NEGR1: variants seen among roughly 807,000 people sequenced by gnomAD.
NEGR1 encodes the protein IgLON family member 4.
In NEGR1, 10 loss-of-function variants were observed where a neutral mutation model predicts 40.9. The observed-to-expected ratio is 0.24, with a 90% CI of 0.15 to 0.42. The LOEUF (loss-of-function observed/expected upper bound fraction) is 0.42, where lower values mean the gene tolerates loss of function less well. Among genes scored for constraint, NEGR1 ranks in the 10% least tolerant of loss-of-function variants. The pLI is 1.00. For synonymous variants in NEGR1, 185 were observed against 166.8 expected, an observed-to-expected ratio of 1.11 and a Z score of -0.84; for missense variants, 352 against 438.9, an observed-to-expected ratio of 0.80 and a Z score of 1.77.
chr1:71,405,225 C>T lies in NEGR1; in HGVS notation c.*2221G>A, dbSNP rs1456377485. On this transcript the variant is annotated 3_prime_UTR_variant, in exon 7 of 7. Transcript: ENST00000357731. ...TATTTGGTTCATCCATAGTTTATAC[C>T]TCAATTTACCTACAAACCTTACAAA... 1 of 152,142 alleles carries T rather than the reference C, an allele frequency of 6.6e-6. No individual in the cohort carries two copies. The highest frequency in any genetic ancestry group is 2.4e-5 in the African/African-American group (1 of 41,378). 9.4% of individuals were successfully genotyped at this position (152,142 alleles called of 1,614,324 possible). A position where few individuals can be genotyped will look rare whatever the true frequency, so the allele number is the denominator to read the frequency against.
At chr1:71,586,792 T>A (rs1224861765) in intron 6 of NEGR1, among the ~76,000 whole-genome samples, 1 of 152,172 alleles carries the variant, frequency 6.6e-6, no homozygotes, top group African/African-American at 2.4e-5. Flanking sequence ...CAAATTTGTA[T>A]ACTTTCATGA....
chr1:72,106,874 A>G (rs1055814785), intron 1 of NEGR1, among the ~76,000 whole-genome samples: 2 of 151,956 alleles, frequency 1.3e-5, no homozygotes, highest in Non-Finnish European at 2.9e-5. Context: ...ATAGATATAG[A>G]TACAGATATA....
chr1:72,165,047 C>T (rs908058208), intron 1 of NEGR1, among the ~76,000 whole-genome samples: 4 of 151,798 alleles, frequency 2.6e-5, no homozygotes, highest in African/African-American at 9.7e-5. Flanking sequence ...AGGTATGAGC[C>T]TTGACATAGT....
At chr1:72,161,118 A>G (rs1237069990) in intron 1 of NEGR1, among the ~76,000 whole-genome samples, 2 of 151,366 alleles carry the variant, frequency 1.3e-5, no homozygotes, top group African/African-American at 2.5e-5. Context: ...GCCAAAGAGA[A>G]CGCAGCTCTG....
At chr1:71,769,549 A>C (rs1656245193) in intron 3 of NEGR1, among the ~76,000 whole-genome samples, 1 of 152,134 alleles carries the variant, frequency 6.6e-6, no homozygotes, top group South Asian at 2.1e-4. Context: ...CATGATAGTG[A>C]GTGAGTTGTC....
At chr1:72,139,437 T>C (rs1307840541) in intron 1 of NEGR1, among the ~76,000 whole-genome samples, 2 of 152,024 alleles carry the variant, frequency 1.3e-5, no homozygotes, top group African/African-American at 2.4e-5. Flanking sequence ...TTGATCATTA[T>C]CAAGAAATAT....
intron 4 of NEGR1, among the ~76,000 whole-genome samples, chr1:71,689,864 TGTAA>T (rs1232345058): frequency 1.3e-5 from 2 of 151,606 alleles, no homozygotes; most frequent in African/African-American, 4.8e-5. Flanking sequence ...ATTAAATAAA[TGTAA>T]GTAAAATAAC....
At chr1:71,697,515 A>C (rs1282092671) in intron 4 of NEGR1, among the ~76,000 whole-genome samples, 2 of 151,806 alleles carry the variant, frequency 1.3e-5, no homozygotes, top group African/African-American at 2.4e-5. Context: ...ATGCTTATGG[A>C]AAAATTCTTT....
chr1:71,434,586 G>A (rs948074717), intron 6 of NEGR1, among the ~76,000 whole-genome samples: 2 of 152,132 alleles, frequency 1.3e-5, no homozygotes, highest in Non-Finnish European at 1.5e-5. Flanking sequence ...CATGTTTAGT[G>A]CAATATCATA....
At chr1:71,987,843 T>A (rs2100351485) in intron 1 of NEGR1, among the ~76,000 whole-genome samples, 1 of 152,348 alleles carries the variant, frequency 6.6e-6, no homozygotes, top group East Asian at 1.9e-4. Context: ...TTTAGTTCCT[T>A]TTCTACACAA....
At chr1:71,950,227 A>T (rs1646057202) in intron 1 of NEGR1, among the ~76,000 whole-genome samples, 1 of 151,992 alleles carries the variant, frequency 6.6e-6, no homozygotes, top group Non-Finnish European at 1.5e-5. Flanking sequence ...TTTCTTAGCA[A>T]GATACATATT....
At chr1:71,579,764 C>T (rs990740884) in intron 6 of NEGR1, among the ~76,000 whole-genome samples, 1 of 152,086 alleles carries the variant, frequency 6.6e-6, no homozygotes, top group Admixed American at 6.6e-5. Context: ...TAATGTGTGG[C>T]TTATTTGCCC....
At chr1:71,931,674 T>A (rs1361732307) in intron 2 of NEGR1, among the ~76,000 whole-genome samples, 1 of 152,128 alleles carries the variant, frequency 6.6e-6, no homozygotes, top group Non-Finnish European at 1.5e-5. Context: ...CATGAATGAA[T>A]AACCAGCTTT....
chr1:71,763,615 C>G (rs1656020494), intron 3 of NEGR1, among the ~76,000 whole-genome samples: 1 of 152,096 alleles, frequency 6.6e-6, no homozygotes. Flanking sequence ...CCCTCATTGC[C>G]TATGGTATGG....
intron 4 of NEGR1, among the ~76,000 whole-genome samples, chr1:71,689,779 G>A (rs1653189265): frequency 6.7e-6 from 1 of 150,238 alleles, no homozygotes; most frequent in African/African-American, 2.4e-5. Flanking sequence ...TAATATGGCA[G>A]TCACAAATAA....
intron 1 of NEGR1, among the ~76,000 whole-genome samples, chr1:72,267,094 G>A (rs1199069650): frequency 1.3e-5 from 2 of 151,006 alleles, no homozygotes; most frequent in Admixed American, 6.6e-5. Context: ...CAGGCATGAT[G>A]TTGAGGAGCT....
intron 1 of NEGR1, among the ~76,000 whole-genome samples, chr1:71,985,950 C>T (rs1646390496): frequency 6.6e-6 from 1 of 151,990 alleles, no homozygotes; most frequent in Admixed American, 6.6e-5. Flanking sequence ...TAACTTTGCT[C>T]ATGAGAAGGA....
chr1:71,721,732 CATT>C (rs1654517718), intron 3 of NEGR1, among the ~76,000 whole-genome samples: 1 of 152,108 alleles, frequency 6.6e-6, no homozygotes, highest in East Asian at 1.9e-4. Context: ...TAGGAGGCCA[CATT>C]GCCCCCGATG....
chr1:72,000,765 T>G (rs1344040777), intron 1 of NEGR1, among the ~76,000 whole-genome samples: 1 of 152,170 alleles, frequency 6.6e-6, no homozygotes, highest in Admixed American at 6.6e-5. Flanking sequence ...CAGCATCTAT[T>G]GTTTATTTTA....
Sources: gnomAD v4.1 joint callset for allele counts (sites outside exome capture counted in the v4.1 genomes callset) on GRCh38, gnomAD v4.1.1 for gene constraint, MANE v1.5 for transcripts, NCBI Gene and HGNC (gene_info 2026-07-23, HGNC 2026-07-21) for gene names.